The following GALNT9 variants were observed in gnomAD, a reference collection of about 807,000 sequenced individuals.
GALNT9 encodes GalNAc transferase 9.
In GALNT9, 47 loss-of-function variants were observed where a neutral mutation model predicts 63.1. The ratio of observed to expected loss-of-function variants is 0.75; its 90% CI spans 0.59 to 0.95. GALNT9 has a LOEUF of 0.95. Ranked by LOEUF, GALNT9 falls within the 40% of genes least tolerant of loss-of-function variation. The pLI is 0.00. For synonymous variants in GALNT9, 396 were observed against 365.7 expected, an observed-to-expected ratio of 1.08 and a Z score of -0.94; for missense variants, 829 against 874.8, an observed-to-expected ratio of 0.95 and a Z score of 0.66.
intron 6 of GALNT9, chr12:132,240,428 C>G (rs2136898226): frequency 2.8e-6 from 1 of 360,600 alleles, no homozygotes; most frequent in Admixed American, 3.7e-5. Context: ...ACTTGTTCAG[C>G]GCAGACATGG....
chr12:132,271,940 CTGTG>C (rs1420593895), intron 2 of GALNT9, among the ~76,000 whole-genome samples: 1 of 152,192 alleles, frequency 6.6e-6, no homozygotes, highest in African/African-American at 2.4e-5. Context: ...CACACGTGAA[CTGTG>C]TGTGTCTCTG....
chr12:132,197,932 G>C lies in GALNT9; in HGVS notation c.1525C>G (p.Leu509Val). The C allele has an allele frequency of 1.2e-6, 2 of 1,611,544 alleles. No homozygotes were observed. Among genetic ancestry groups the C allele is most frequent in the Non-Finnish European group, 1.7e-6 (2 of 1,179,358 alleles). ...GTGGAGCCCAGAGGCCCCAGCTGCA[G>C]CAGTCCATCAGCGCTGTACCGCACC... ...QLVRYSADGL[L>V]QLGPLGSTAF... is the part of the protein sequence containing the mutation. The change falls in exon 10 of 11, where the codon CTG becomes GTG. Residue 509 changes from leucine to valine, a missense_variant. By Grantham distance (32) the Leu-to-Val change is conservative. Transcript: ENST00000328957.
intron 3 of GALNT9, among the ~76,000 whole-genome samples, 159 bp downstream of exon 3, chr12:132,262,300 G>A (rs1879419420): frequency 6.6e-6 from 1 of 152,186 alleles, no homozygotes; most frequent in Non-Finnish European, 1.5e-5. Context: ...CATGACAGAG[G>A]CTGGAAGGCA....
At chr12:132,323,118 C>A (rs1231904288) in intron 1 of GALNT9, among the ~76,000 whole-genome samples, 1 of 152,238 alleles carries the variant, frequency 6.6e-6, no homozygotes, top group South Asian at 2.1e-4. Context: ...CCATCCTGCC[C>A]GTTTGTCCTC....
chr12:132,200,993 G>A (rs1876033889), intron 8 of GALNT9, 131 bp downstream of exon 8: 3 of 902,438 alleles, frequency 3.3e-6, no homozygotes, highest in African/African-American at 1.6e-5. Flanking sequence ...GGGCCGAGTG[G>A]GACCCTCTGG....
chr12:132,196,713 C>T lies in GALNT9; in HGVS notation c.*394G>A. On this transcript the variant is annotated 3_prime_UTR_variant, in exon 11 of 11. Transcript: ENST00000328957. The stretch of plus-strand genomic sequence containing the variant: ...GGGAGGCTGCTTGGAGCATGGGAGG[C>T]CTGCGGGTGGAAGACACCAGGGTGC... The T allele has an allele frequency of 9.9e-7, 1 of 1,009,066 alleles. No individual in the cohort carries two copies. The highest frequency in any genetic ancestry group is 1.2e-6 in the Non-Finnish European group (1 of 845,498). The allele number at this position is 1,009,066 out of a possible 1,614,324, so 62.5% of individuals were successfully genotyped here.
intron 6 of GALNT9, among the ~76,000 whole-genome samples, chr12:132,216,467 G>A (rs545657629): frequency 2.6e-5 from 4 of 152,374 alleles, no homozygotes; most frequent in African/African-American, 9.6e-5. Context: ...CGCAGGCCCA[G>A]CGAGGAGCCA....
rs140156058 is a variant in GALNT9 at position 132,213,546 on chromosome 12, C to T, written c.1078-9856G>A. 3.3e-3 allele frequency among the ~76,000 whole-genome samples: 494 copies of T among 151,936 alleles called. 1 individual carries two copies. Among genetic ancestry groups the T allele is most frequent in the Middle Eastern group, 0.01 (3 of 294 alleles). ...ACACGCACTCCCACCCACATACAGG[C>T]GCACTCACACAGTCACACACAGGCA... On this transcript the variant is annotated intron_variant, in intron 6 of 10. Transcript: ENST00000328957.
Position 132,216,637 on chromosome 12 carries a change from G to A in GALNT9, c.1078-12947C>T, listed in dbSNP as rs559403011. Among the ~76,000 whole-genome samples, 10 of 152,332 alleles carry A rather than the reference G, an allele frequency of 6.6e-5. No homozygotes were observed. In the South Asian group the frequency reaches 8.3e-4, roughly 13 times the overall value. On this transcript the variant is annotated intron_variant, in intron 6 of 10. Transcript: ENST00000328957. ...GGGTGTCTTCCTTCCTAAGATCTGC[G>A]TGCCCACGTGGCTACCTTGGGAGGT... is the stretch of plus-strand genomic sequence containing the variant.
intron 8 of GALNT9, among the ~76,000 whole-genome samples, chr12:132,199,769 C>T (rs1219259777): frequency 6.6e-6 from 1 of 152,214 alleles, no homozygotes; most frequent in Non-Finnish European, 1.5e-5. Flanking sequence ...AGCCAACCTC[C>T]AGCCTCCAGA....
chr12:132,256,447 A>G (rs1482367564), intron 5 of GALNT9, among the ~76,000 whole-genome samples: 4 of 151,246 alleles, frequency 2.6e-5, no homozygotes, highest in Non-Finnish European at 4.4e-5. Context: ...GACGCATATG[A>G]GGCTACTGTG....
intron 1 of GALNT9, among the ~76,000 whole-genome samples, chr12:132,301,230 T>A (rs945474498): frequency 2.0e-5 from 3 of 152,266 alleles, no homozygotes; most frequent in South Asian, 2.1e-4. Context: ...CACCCCTGTA[T>A]GGTGGCAGGC....
rs767094056 is a variant in GALNT9, at chr12:132,199,231, C to T, written c.1440G>A (p.Gln480=). ...TCGCCCGGTCGCCGTCCTCCGCTCC[C>T]TGGTCCAGACAGTAGGCACTGGCTT... ...NSKASAYCLD[Q]GAEDGDRAIL... The change falls in exon 9 of 11, where the codon CAG becomes CAA. Residue 480 remains glutamine (Q), a synonymous_variant. Transcript: ENST00000328957. The T allele has an allele frequency of 1.5e-5, 24 of 1,605,270 alleles. No homozygotes were observed. The highest frequency in any genetic ancestry group is 1.7e-4 in the Middle Eastern group (1 of 6,060).
rs763208947 is a variant in GALNT9, at chr12:132,197,859, C to G, written c.1598G>C (p.Arg533Pro). The G allele has an allele frequency of 8.8e-5, 142 of 1,607,738 alleles. No homozygotes were observed. Among genetic ancestry groups the G allele is most frequent in the Non-Finnish European group, 1.2e-4 (142 of 1,177,892 alleles). Residue 533 changes from arginine to proline, a missense_variant, in exon 10 of 11, where the codon CGC becomes CCC. By Grantham distance (103) the Arg-to-Pro change is moderately radical. Transcript: ENST00000328957. The stretch of plus-strand genomic sequence containing the variant: ...CTCACACTTCTTCAGGGTGGGCATG[C>G]GGCCCGTGCCGTCATCCACCAGACA... ...SKCLVDDGTG[R>P]MPTLKKCEDV...
chr12:132,228,106 G>T (rs1238009486), intron 6 of GALNT9, among the ~76,000 whole-genome samples: 4 of 152,086 alleles, frequency 2.6e-5, no homozygotes, highest in Non-Finnish European at 5.9e-5. Flanking sequence ...TGGCGGGGGG[G>T]CACCAACCAC....
intron 8 of GALNT9, chr12:132,200,891 T>C: frequency 1.9e-6 from 1 of 538,186 alleles, no homozygotes; most frequent in Non-Finnish European, 3.3e-6. Flanking sequence ...TGCGTGTGTT[T>C]ATGTGAACCT....
intron 6 of GALNT9, chr12:132,240,630 A>G (rs2136898960): frequency 6.7e-6 from 3 of 450,938 alleles, no homozygotes; most frequent in East Asian, 7.4e-5. Context: ...GCTGTGCTCT[A>G]TGGGCCTCGG....
At chr12:132,205,545 G>A (rs1876627917) in intron 6 of GALNT9, 1 of 152,290 alleles carries the variant, frequency 6.6e-6, no homozygotes, top group South Asian at 2.1e-4. Context: ...CCGCCCCACA[G>A]TCCCACGTCA....
At chr12:132,308,090 T>C (rs1453710399) in intron 1 of GALNT9, among the ~76,000 whole-genome samples, 3 of 149,616 alleles carry the variant, frequency 2.0e-5, no homozygotes, top group Non-Finnish European at 3.0e-5. Flanking sequence ...TGGAGGGAGA[T>C]TCGACACAGA....
Sources: allele counts gnomAD v4.1 joint callset (sites outside exome capture counted in the v4.1 genomes callset), GRCh38; gene constraint gnomAD v4.1.1; transcripts MANE v1.5; gene names NCBI Gene and HGNC (gene_info 2026-07-23, HGNC 2026-07-21).